The following OPHN1 variants were observed in gnomAD, a reference collection of about 807,000 sequenced individuals.
OPHN1 encodes the protein oligophrenin-1.
A neutral mutation model predicts 60.7 loss-of-function variants in OPHN1; 11 were observed. That is an observed-to-expected ratio of 0.18 (90% CI 0.11 to 0.30). The LOEUF is 0.30. Ranked by LOEUF, OPHN1 falls within the 10% of genes least tolerant of loss-of-function variation. The pLI, the probability that OPHN1 is intolerant of heterozygous loss-of-function variation, is 1.00. For synonymous variants in OPHN1, 226 were observed against 222.6 expected (o/e 1.02, Z -0.14); for missense variants, 449 against 611.0 (o/e 0.73, Z 2.80).
At chrX:68,387,245 C>A (rs921442847) in intron 2 of OPHN1, among the ~76,000 whole-genome samples, 6 of 105,847 alleles carry the variant, frequency 5.7e-5, no homozygotes, top group Non-Finnish European at 7.8e-5. Flanking sequence ...TCCCTTGCTC[C>A]CCTCCATGGG....
At chrX:68,268,437 T>A (rs1005937593) in intron 5 of OPHN1, among the ~76,000 whole-genome samples, 1 of 111,870 alleles carries the variant, frequency 8.9e-6, no homozygotes, top group Non-Finnish European at 1.9e-5. Context: ...TGGTTCAACA[T>A]ATGCAAATCA....
At chrX:68,088,467 T>C (rs2077003855) in intron 19 of OPHN1, among the ~76,000 whole-genome samples, 1 of 111,780 alleles carries the variant, frequency 8.9e-6, no homozygotes, top group Non-Finnish European at 1.9e-5. Flanking sequence ...CAACTTAAGA[T>C]GCGTTTAGGT....
At chrX:68,375,743 G>A (rs951387716) in intron 2 of OPHN1, among the ~76,000 whole-genome samples, 1 of 109,491 alleles carries the variant, frequency 9.1e-6, no homozygotes, top group African/African-American at 3.3e-5. Context: ...TTGTAGAGAC[G>A]GGGTCTTCCT....
intron 14 of OPHN1, 32 bp from the exon 15 acceptor site, chrX:68,193,025 T>G: frequency 9.2e-7 from 1 of 1,091,804 alleles, no homozygotes. Context: ...TTAATTTCAC[T>G]TGTATAGCTA....
chrX:68,371,847 G>T (rs1431451474), intron 2 of OPHN1, among the ~76,000 whole-genome samples: 2 of 111,996 alleles, frequency 1.8e-5, no homozygotes, highest in African/African-American at 6.5e-5. Context: ...AGGATTCAAA[G>T]AATTCTTCTG....
chrX:68,152,037 C>T (rs561260703), intron 15 of OPHN1, among the ~76,000 whole-genome samples: 50 of 110,599 alleles, frequency 4.5e-4, no homozygotes, highest in African/African-American at 1.6e-3. Context: ...CCAGATCTTG[C>T]GAGGACTTAC....
intron 16 of OPHN1, among the ~76,000 whole-genome samples, chrX:68,114,681 C>T (rs907010811): frequency 1.8e-5 from 2 of 110,659 alleles, no homozygotes; most frequent in African/African-American, 6.6e-5. Flanking sequence ...GGGAGGACTG[C>T]TTCAGCCTGA....
At chrX:68,094,385 A>G (rs926568432) in intron 19 of OPHN1, among the ~76,000 whole-genome samples, 1 of 111,852 alleles carries the variant, frequency 8.9e-6, no homozygotes, top group African/African-American at 3.2e-5. Context: ...ATTTTTCAAA[A>G]TTGTATTAGC....
At chrX:68,391,371 C>T (rs2078653019) in intron 2 of OPHN1, among the ~76,000 whole-genome samples, 1 of 111,333 alleles carries the variant, frequency 9.0e-6, no homozygotes, top group African/African-American at 3.3e-5. Context: ...CCACAATGAG[C>T]ATATTTCACT....
intron 6 of OPHN1, among the ~76,000 whole-genome samples, chrX:68,233,884 G>C (rs892885463): frequency 9.9e-5 from 11 of 110,829 alleles, no homozygotes; most frequent in African/African-American, 3.6e-4. Context: ...ATTTGTATAA[G>C]AGTAATGTGT....
chrX:68,315,001 A>G (rs1421756652), intron 2 of OPHN1, among the ~76,000 whole-genome samples: 1 of 108,649 alleles, frequency 9.2e-6, no homozygotes, highest in Non-Finnish European at 1.9e-5. Flanking sequence ...AAAAAAAAAA[A>G]CAGAGAGAGA....
chrX:68,392,650 T>C (rs193063194), intron 2 of OPHN1, among the ~76,000 whole-genome samples: 19 of 109,605 alleles, frequency 1.7e-4, no homozygotes, highest in African/African-American at 6.0e-4. Context: ...CCCTATCCTG[T>C]ACCCATATAA....
At chrX:68,210,734 G>T (rs1017939960) in intron 8 of OPHN1, among the ~76,000 whole-genome samples, 11 of 111,527 alleles carry the variant, frequency 9.9e-5, no homozygotes, top group Admixed American at 5.7e-4. Flanking sequence ...TATACGAGAG[G>T]GTGCTCTCTT....
At chrX:68,315,979 A>G (rs1226854691) in intron 2 of OPHN1, among the ~76,000 whole-genome samples, 1 of 111,300 alleles carries the variant, frequency 9.0e-6, no homozygotes. Context: ...TGACAGTCTC[A>G]TAATCTGGTC....
chrX:68,270,621 G>A (rs2077963265), intron 5 of OPHN1, among the ~76,000 whole-genome samples: 1 of 104,097 alleles, frequency 9.6e-6, no homozygotes, highest in Non-Finnish European at 2.0e-5. Context: ...GATAGCATTA[G>A]GAGATATACC....
At chrX:68,201,517 C>T in intron 11 of OPHN1, 102 bp downstream of exon 11, 3 of 656,799 alleles carry the variant, frequency 4.6e-6, no homozygotes, top group South Asian at 2.2e-5. Context: ...AATAGACTTA[C>T]TCATTGTCAT....
chrX:68,394,503 G>T (rs1332793921), intron 2 of OPHN1, among the ~76,000 whole-genome samples: 7 of 111,311 alleles, frequency 6.3e-5, no homozygotes, highest in Middle Eastern at 4.6e-3. Context: ...ATCTTTATTT[G>T]CACTGAGTTT....
At chrX:68,418,143 A>G (rs1186166836) in intron 2 of OPHN1, among the ~76,000 whole-genome samples, 2 of 112,112 alleles carry the variant, frequency 1.8e-5, no homozygotes, top group East Asian at 5.6e-4. Flanking sequence ...TAGCATACCT[A>G]TATTTATGAG....
intron 15 of OPHN1, among the ~76,000 whole-genome samples, chrX:68,191,924 T>C (rs1453972952): frequency 9.0e-6 from 1 of 111,172 alleles, no homozygotes; most frequent in Non-Finnish European, 1.9e-5. Flanking sequence ...CACAAATAAC[T>C]GCCCACAAAA....
Sources: gnomAD v4.1 joint callset for allele counts (sites outside exome capture counted in the v4.1 genomes callset) on GRCh38, gnomAD v4.1.1 for gene constraint, MANE v1.5 for transcripts, NCBI Gene and HGNC (gene_info 2026-07-23, HGNC 2026-07-21) for gene names.